Variants in LAMA1 observed in about 807,000 individuals in gnomAD.
LAMA1 encodes laminin subunit alpha 1, also known as laminin subunit alpha-1.
LAMA1 carries 219 observed loss-of-function variants against 348.7 expected under a neutral mutation model. That is an observed-to-expected ratio of 0.63 (90% CI 0.56 to 0.70). The LOEUF (loss-of-function observed/expected upper bound fraction) is 0.70, where lower values mean the gene tolerates loss of function less well. LAMA1 is among the 30% of genes least tolerant of loss of function. LAMA1 has a pLI of 0.00. For missense variants in LAMA1, 3,744 were observed against 3,888.0 expected, an observed-to-expected ratio of 0.96 and a Z score of 0.99; for synonymous variants, 1,487 against 1,491.0, an observed-to-expected ratio of 1.00 and a Z score of 0.06.
At position 6,985,302 on chromosome 18, in the gene LAMA1, G is replaced by A. The variant is rs774360759; in HGVS notation, c.5595C>T (p.Val1865=). 25 of 1,614,056 alleles carry A rather than the reference G, an allele frequency of 1.5e-5. No individual in the cohort carries two copies. In the East Asian group the frequency reaches 3.6e-4, roughly 23 times the overall value. The stretch of plus-strand genomic sequence containing the variant: ...GGTCCTCAGCTCTGTAGACCAGGTC[G>A]ACTGCGTTCCTTTGGGACATGTGCA... The part of the protein sequence containing the change: ...LVMHMSQRNA[V]DLVYRAEDHA... Residue 1865 remains valine, a synonymous_variant, in exon 39 of 63, where the codon GTC becomes GTT. Transcript: ENST00000389658.
At chr18:7,112,159 A>T (rs2058338304) in intron 1 of LAMA1, among the ~76,000 whole-genome samples, 3 of 152,208 alleles carry the variant, frequency 2.0e-5, no homozygotes. Context: ...CATGAAATCA[A>T]TCAAGTTTTT....
chr18:7,020,562 G>A (rs1290709318), intron 19 of LAMA1, among the ~76,000 whole-genome samples: 3 of 152,132 alleles, frequency 2.0e-5, no homozygotes, highest in African/African-American at 4.8e-5. Flanking sequence ...TCATCGAAGC[G>A]AGGGGATGCG....
chr18:7,005,688 C>T lies in LAMA1; in HGVS notation c.4260+1451G>A, dbSNP rs116121022. 8.0e-3 allele frequency among the ~76,000 whole-genome samples: 1,225 copies of T among 152,210 alleles called. 16 individuals carry two copies. The highest frequency in any genetic ancestry group is 0.029 in the African/African-American group (1,190 of 41,516). ...GCTTGAAGCCAAGAGGCAGATGTTG[C>T]AGTGAGCTGACTGCGCCATTGTACT... On this transcript the variant is annotated intron_variant, in intron 29 of 62. Coordinates refer to ENST00000389658, the MANE Select transcript of LAMA1 (RefSeq NM_005559.4).
intron 16 of LAMA1, 56 bp downstream of exon 16, chr18:7,032,010 G>T: frequency 7.0e-7 from 1 of 1,418,838 alleles, no homozygotes; most frequent in Non-Finnish European, 1.0e-6. Flanking sequence ...CTTGTACACA[G>T]CAAATGGCTC....
intron 28 of LAMA1, among the ~76,000 whole-genome samples, chr18:7,007,620 G>C (rs2057838601): frequency 6.6e-6 from 1 of 152,138 alleles, no homozygotes; most frequent in South Asian, 2.1e-4. Context: ...GATTCTGCAA[G>C]TCCACTTTTG....
In LAMA1 at chr18:7,036,031, T is replaced by A; in HGVS notation, c.1795A>T (p.Thr599Ser). ...YTVSYDIPVE[T>S]VDSNLMSHAD... The stretch of plus-strand genomic sequence containing the variant: ...TGCGACATGAGGTTACTGTCTACCG[T>A]CTCTACCGGAATATCGTAGGACACC... The change falls in exon 13 of 63, where the codon ACG becomes TCG. Residue 599 changes from threonine to serine, a missense_variant. Thr to Ser is a moderately conservative substitution (Grantham distance 58). Transcript: ENST00000389658. 1 of 1,614,174 alleles carries A rather than the reference T, an allele frequency of 6.2e-7. No individual in the cohort carries two copies. Among genetic ancestry groups the A allele is most frequent in the Non-Finnish European group, 8.5e-7 (1 of 1,180,014 alleles).
At chr18:6,968,976 C>T (rs2057646238) in intron 48 of LAMA1, among the ~76,000 whole-genome samples, 1 of 152,156 alleles carries the variant, frequency 6.6e-6, no homozygotes, top group South Asian at 2.1e-4. Context: ...AGGGTATTAA[C>T]TCTTTGAACT....
intron 1 of LAMA1, among the ~76,000 whole-genome samples, chr18:7,097,167 A>T (rs1210524475): frequency 6.6e-6 from 1 of 152,192 alleles, no homozygotes; most frequent in Non-Finnish European, 1.5e-5. Flanking sequence ...GACCAGCCAA[A>T]ATTGTAATAA....
Position 7,117,728 on chromosome 18 carries a change from C to T in LAMA1, c.-8G>A. The stretch of plus-strand genomic sequence containing the variant: ...GAGCACGCCCCCGCGCATCTCGCCT[C>T]CGCCGCCACTCGGTGGGTCTGGGGA... On this transcript the variant is annotated 5_prime_UTR_variant, in exon 1 of 63. Coordinates refer to ENST00000389658, the MANE Select transcript of LAMA1 (RefSeq NM_005559.4). The T allele has an allele frequency of 6.3e-7, 1 of 1,596,360 alleles. No homozygotes were observed. Among genetic ancestry groups the T allele is most frequent in the South Asian group, 1.1e-5 (1 of 90,652 alleles).
chr18:6,977,866 C>G lies in LAMA1; in HGVS notation c.6206G>C (p.Arg2069Thr), dbSNP rs2057689654. 4 of 1,612,754 alleles carry G rather than the reference C, an allele frequency of 2.5e-6. No individual in the cohort carries two copies. The East Asian group carries it at 6.7e-5, about 27-fold the overall frequency. Residue 2069 changes from arginine (R) to threonine (T), a missense_variant, in exon 44 of 63, where the codon AGA becomes ACA. By Grantham distance (71) the Arg-to-Thr change is moderately conservative. This residue lies in a region of LAMA1 where 1,983 missense variants were observed against 1,934.3 expected (regional missense o/e 1.03). Transcript: ENST00000389658. The part of the protein sequence containing the change: ...DSTMATLLAG[R>T]KVKDVEIQAN... ...TTGAATTTCCACGTCTTTGACTTTT[C>G]TTCCAGCCAACAGAGCTAACAAATA... is the stretch of plus-strand genomic sequence containing the variant.
intron 28 of LAMA1, among the ~76,000 whole-genome samples, chr18:7,008,133 T>TA (rs2057841761): frequency 6.6e-6 from 1 of 151,896 alleles, no homozygotes; most frequent in East Asian, 1.9e-4. Context: ...GTCAAATACA[T>TA]AGAGACCAAA....
chr18:7,037,611 G>C lies in LAMA1; in HGVS notation c.1704C>G (p.Tyr568Ter). 3.7e-6 allele frequency: 6 copies of C among 1,614,100 alleles called. No individual in the cohort carries two copies. Among genetic ancestry groups the C allele is most frequent in the Non-Finnish European group, 5.1e-6 (6 of 1,180,028 alleles). Reference protein sequence around the residue: ...AVMQRLAPKYYWAAPEAYLGN... With the variant: ...AVMQRLAPKY ...CAAGGTAGGCCTCGGGGGCTGCCCA[G>C]TAGTACTTGGGAGCCAGTCTCTGCA... The change falls in exon 12 of 63, where the codon TAC (tyrosine) becomes TAG (stop). Residue 568 changes from tyrosine to a stop codon, truncating the protein, a stop_gained. Transcript: ENST00000389658. LOFTEE classifies it high-confidence loss of function.
At chr18:7,018,674 C>T (rs1336903626) in intron 19 of LAMA1, among the ~76,000 whole-genome samples, 2 of 152,108 alleles carry the variant, frequency 1.3e-5, no homozygotes, top group African/African-American at 4.8e-5. Flanking sequence ...GGATTACAGG[C>T]GTGAGCCACC....
At chr18:7,038,436 G>C (rs645223) in intron 11 of LAMA1, 161,741 of 356,606 alleles carry the variant, frequency 0.45, 41,355 homozygotes, top group African/African-American at 0.83. Flanking sequence ...ACTCCTTAGC[G>C]TCTTTGAGCT....
intron 53 of LAMA1, among the ~76,000 whole-genome samples, chr18:6,961,000 A>C (rs571587500): frequency 1.3e-5 from 2 of 152,360 alleles, no homozygotes; most frequent in South Asian, 2.1e-4. Context: ...ACAGTGTGCT[A>C]ACATTCTGTA....
At chr18:6,997,913 T>C (rs1285625700) in intron 32 of LAMA1, 29 bp from the exon 33 acceptor site, 1 of 1,609,564 alleles carries the variant, frequency 6.2e-7, no homozygotes, top group Admixed American at 1.7e-5. Context: ...AAAAGGAGAG[T>C]TAAAGTTAAT....
intron 23 of LAMA1, among the ~76,000 whole-genome samples, 165 bp downstream of exon 23, chr18:7,013,650 G>A (rs542748580): frequency 2.6e-5 from 4 of 152,236 alleles, no homozygotes; most frequent in East Asian, 3.9e-4. Context: ...AAAATCATCC[G>A]TCACTCTAGA....
chr18:6,943,382 A>G lies in LAMA1; in HGVS notation c.8865T>C (p.Asn2955=), dbSNP rs775909789. 5 of 1,614,168 alleles carry G rather than the reference A, an allele frequency of 3.1e-6. No individual in the cohort carries two copies. In the East Asian group the frequency reaches 1.1e-4, roughly 36 times the overall value. ...ATGCAGCTGTTATCCTGCCAGCACC[A>G]TTGTTGACATGGAACAAGACCTAAA... ...VDGKVLFHVN[N]GAGRITAAYE... Residue 2955 remains asparagine, a synonymous_variant, in exon 62 of 63, where the codon AAT becomes AAC. Coordinates refer to ENST00000389658, the MANE Select transcript of LAMA1 (RefSeq NM_005559.4).
chr18:6,976,272 T>C (rs543021711), intron 44 of LAMA1, among the ~76,000 whole-genome samples, 192 bp from the exon 45 acceptor site: 5 of 152,210 alleles, frequency 3.3e-5, no homozygotes, highest in Non-Finnish European at 7.3e-5. Context: ...AGTGTTTAAA[T>C]ATGAGAAAAT....
Sources: gnomAD v4.1 joint callset for allele counts (sites outside exome capture counted in the v4.1 genomes callset) on GRCh38, gnomAD v4.1.1 for gene constraint, gnomAD v4.1.1 regional missense constraint, MANE v1.5 for transcripts, NCBI Gene and HGNC (gene_info 2026-07-23, HGNC 2026-07-21) for gene names.